The following TSHZ2 variants were observed in gnomAD, a reference collection of about 807,000 sequenced individuals.
The protein encoded by TSHZ2 is teashirt homolog 2.
In TSHZ2, 21 loss-of-function variants were observed where a neutral mutation model predicts 74.4. The ratio of observed to expected loss-of-function variants is 0.28; its 90% CI spans 0.20 to 0.41. TSHZ2 has a LOEUF of 0.41. Ranked by LOEUF, TSHZ2 falls within the 10% of genes least tolerant of loss-of-function variation. The pLI, the probability that TSHZ2 is intolerant of heterozygous loss-of-function variation, is 1.00. For synonymous variants in TSHZ2, 540 were observed against 515.3 expected, an observed-to-expected ratio of 1.05 and a Z score of -0.65; for missense variants, 1,244 against 1,293.5, an observed-to-expected ratio of 0.96 and a Z score of 0.59.
chr20:53,297,025 C>T (rs975848816), intron 2 of TSHZ2, among the ~76,000 whole-genome samples: 8 of 152,240 alleles, frequency 5.3e-5, no homozygotes, highest in Non-Finnish European at 1.0e-4. Context: ...ATGATATTTA[C>T]ATCCCCTCAC....
chr20:53,356,705 T>A (rs192708523), intron 2 of TSHZ2, among the ~76,000 whole-genome samples: 2 of 152,188 alleles, frequency 1.3e-5, no homozygotes, highest in African/African-American at 4.8e-5. Context: ...CTCAAAAGGA[T>A]CCATAAGTCC....
At chr20:53,180,806 G>A (rs1988449322) in intron 1 of TSHZ2, among the ~76,000 whole-genome samples, 1 of 152,078 alleles carries the variant, frequency 6.6e-6, no homozygotes, top group African/African-American at 2.4e-5. Context: ...AAGATCACTT[G>A]TTAACACAAA....
chr20:53,321,682 T>TCAAAAAAAAAAAAAAA (rs1979271531), intron 2 of TSHZ2, among the ~76,000 whole-genome samples: 1 of 5,240 alleles, frequency 1.9e-4, no homozygotes, highest in Non-Finnish European at 4.3e-4. Flanking sequence ...AGACTCCATC[T>TCAAAAAAAAAAAAAAA]CAAAAAAAAA....
Position 52,979,502 on chromosome 20 carries a change from G to A in TSHZ2, c.40+6169G>A, listed in dbSNP as rs7265001. On this transcript the variant is annotated intron_variant, in intron 1 of 2. Coordinates refer to ENST00000371497, the MANE Select transcript of TSHZ2 (RefSeq NM_173485.6). ...GTCCAAGGGTATCAGACTGAGGTCCGTTCAAAGACATTATATACATACACA... is the reference window on the plus strand; with the variant it reads ...GTCCAAGGGTATCAGACTGAGGTCCATTCAAAGACATTATATACATACACA... 8.0e-3 allele frequency among the ~76,000 whole-genome samples: 1,220 copies of A among 152,192 alleles called. 14 individuals carry two copies. Among genetic ancestry groups the A allele is most frequent in the African/African-American group, 0.028 (1,158 of 41,516 alleles).
chr20:53,342,955 C>CTTT lies in TSHZ2; in HGVS notation c.*8+86411_*8+86413dup, dbSNP rs1175907478. On this transcript the variant is annotated intron_variant, in intron 2 of 2. Transcript: ENST00000371497. ...TATTTCTTTTCTTTTCTTTTCTTTT[C>CTTT]TTTTTTTTTTTTTTTTTTTTTTTTT... 4.1e-3 allele frequency among the ~76,000 whole-genome samples: 252 copies of CTTT among 61,224 alleles called. 40 individuals carry two copies. The highest frequency in any genetic ancestry group is 0.013 in the African/African-American group (201 of 14,966). 40.2% of individuals were successfully genotyped at this position (61,224 alleles called of 152,430 possible).
At chr20:53,114,954 ATCACGCAT>A (rs1485005389) in intron 1 of TSHZ2, among the ~76,000 whole-genome samples, 1 of 152,198 alleles carries the variant, frequency 6.6e-6, no homozygotes, top group African/African-American at 2.4e-5. Context: ...TGGGTTGGGT[ATCACGCAT>A]TCTTCCTTGC....
chr20:53,103,692 GC>G (rs1986282318), intron 1 of TSHZ2, among the ~76,000 whole-genome samples: 1 of 152,128 alleles, frequency 6.6e-6, no homozygotes. Flanking sequence ...AGTGTGACTT[GC>G]CCCTCACCAT....
chr20:53,088,706 C>T (rs1281699595), intron 1 of TSHZ2, among the ~76,000 whole-genome samples: 1 of 152,086 alleles, frequency 6.6e-6, no homozygotes, highest in Non-Finnish European at 1.5e-5. Context: ...TATGGATTGA[C>T]ATATGGCATA....
chr20:53,370,032 C>T (rs996672408), intron 2 of TSHZ2, among the ~76,000 whole-genome samples: 4 of 152,042 alleles, frequency 2.6e-5, no homozygotes, highest in Admixed American at 1.3e-4. Flanking sequence ...TGTCAGGAGA[C>T]GTCTGGTGGC....
At chr20:53,119,171 A>T (rs554239469) in intron 1 of TSHZ2, among the ~76,000 whole-genome samples, 1 of 152,328 alleles carries the variant, frequency 6.6e-6, no homozygotes, top group Non-Finnish European at 1.5e-5. Flanking sequence ...AAACCCTTTC[A>T]GTGAGGTATT....
intron 1 of TSHZ2, among the ~76,000 whole-genome samples, chr20:52,987,532 C>CCT (rs373185852): frequency 4.0e-5 from 6 of 149,452 alleles, no homozygotes; most frequent in South Asian, 2.1e-4. Flanking sequence ...TTCTCTCTCT[C>CCT]CTCTCTCTCT....
At chr20:53,064,689 A>AACACACACACAC (rs111943855) in intron 1 of TSHZ2, among the ~76,000 whole-genome samples, 95 of 150,850 alleles carry the variant, frequency 6.3e-4, no homozygotes, top group Middle Eastern at 3.4e-3. Flanking sequence ...TAGACAGAGA[A>AACACACACACAC]ACACACACAC....
intron 1 of TSHZ2, among the ~76,000 whole-genome samples, chr20:53,206,111 C>T (rs1013033252): frequency 7.9e-5 from 12 of 152,136 alleles, no homozygotes; most frequent in African/African-American, 2.9e-4. Context: ...CCCAGCTACT[C>T]AGGAGGCTGA....
At chr20:53,337,783 A>AT (rs1398734525) in intron 2 of TSHZ2, among the ~76,000 whole-genome samples, 15 of 152,340 alleles carry the variant, frequency 9.8e-5, no homozygotes, top group Admixed American at 9.8e-4. Flanking sequence ...TAGGGCTATA[A>AT]AATGCCTTTT....
chr20:53,009,852 A>G (rs1328347325), intron 1 of TSHZ2, among the ~76,000 whole-genome samples: 2 of 152,164 alleles, frequency 1.3e-5, no homozygotes, highest in African/African-American at 4.8e-5. Flanking sequence ...GGGACTAGAA[A>G]TTCATTACCC....
At chr20:53,015,815 G>A (rs1426567248) in intron 1 of TSHZ2, among the ~76,000 whole-genome samples, 1 of 152,176 alleles carries the variant, frequency 6.6e-6, no homozygotes, top group East Asian at 1.9e-4. Context: ...AGAAGTGGGG[G>A]AAAGGGGTGT....
rs539855897 is a variant in TSHZ2 at position 53,013,731 on chromosome 20, G to A, written c.40+40398G>A. ...CATGTGATAACTTATAGTAAGTGGC[G>A]CTAAGCAAAGAGGAAGCATAGGCTG... is the stretch of plus-strand genomic sequence containing the variant. On this transcript the variant is annotated intron_variant, in intron 1 of 2. Transcript: ENST00000371497. 2.0e-4 allele frequency among the ~76,000 whole-genome samples: 30 copies of A among 151,524 alleles called. No homozygotes were observed. The East Asian group carries it at 2.1e-3, about 11-fold the overall frequency.
intron 2 of TSHZ2, among the ~76,000 whole-genome samples, chr20:53,317,827 G>A (rs1403471062): frequency 1.3e-5 from 2 of 152,194 alleles, no homozygotes; most frequent in Non-Finnish European, 2.9e-5. Context: ...AAGTATTTAC[G>A]CATCATTCCC....
chr20:53,240,759 A>ATAGATAGATAGATAGG (rs1555839641), intron 1 of TSHZ2, among the ~76,000 whole-genome samples: 32 of 152,096 alleles, frequency 2.1e-4, no homozygotes, highest in African/African-American at 7.5e-4. Context: ...AGATAGATAG[A>ATAGATAGATAGATAGG]TAGATAGATA....
Sources: allele counts gnomAD v4.1 joint callset (sites outside exome capture counted in the v4.1 genomes callset), GRCh38; gene constraint gnomAD v4.1.1; transcripts MANE v1.5; gene names NCBI Gene and HGNC (gene_info 2026-07-23, HGNC 2026-07-21).